Variants in LRRC69 observed in about 807,000 individuals in gnomAD.
LRRC69 encodes the protein leucine rich repeat containing 69.
Under a neutral mutation model 37.8 loss-of-function variants are expected in LRRC69, and 42 were observed. That is an observed-to-expected ratio of 1.11 (90% CI 0.87 to 1.44). LRRC69 has a LOEUF of 1.44. Among genes scored for constraint, LRRC69 ranks in the 40% most tolerant of loss-of-function variants. The pLI is 0.00. For missense variants in LRRC69, 357 were observed against 401.9 expected (o/e 0.89, Z 0.96); for synonymous variants, 141 against 143.1 (o/e 0.99, Z 0.11).
rs191876009 is a variant in LRRC69, at chr8:91,131,387, A to G, written c.384-1723A>G. ...CAGCACCCAGCCCAAGTCAAGTCTT[A>G]TACAAAAAAAGCTGTCAAAATTTGT... On this transcript the variant is annotated intron_variant, in intron 3 of 7. Transcript: ENST00000448384. Among the ~76,000 whole-genome samples the G allele has an allele frequency of 8.4e-4, 128 of 152,032 alleles. 2 individuals carry two copies. Among genetic ancestry groups the G allele is most frequent in the Admixed American group, 5.7e-3 (87 of 15,256 alleles).
intron 5 of LRRC69, among the ~76,000 whole-genome samples, chr8:91,168,244 G>A (rs1809063067): frequency 6.6e-6 from 1 of 151,802 alleles, no homozygotes; most frequent in South Asian, 2.1e-4. Flanking sequence ...ATAAATGAAG[G>A]CTCTGGTACT....
At chr8:91,169,459 G>A (rs964806890) in intron 5 of LRRC69, among the ~76,000 whole-genome samples, 12 of 151,690 alleles carry the variant, frequency 7.9e-5, no homozygotes, top group Non-Finnish European at 1.2e-4. Context: ...CAATATAGAA[G>A]CAAATTACTG....
intron 7 of LRRC69, among the ~76,000 whole-genome samples, chr8:91,216,723 T>C (rs1251817777): frequency 6.6e-6 from 1 of 152,146 alleles, no homozygotes; most frequent in Admixed American, 6.6e-5. Context: ...ATAATCTAGT[T>C]AGGGAATCAA....
At chr8:91,197,255 C>T (rs1490505141) in intron 6 of LRRC69, among the ~76,000 whole-genome samples, 1 of 152,176 alleles carries the variant, frequency 6.6e-6, no homozygotes, top group African/African-American at 2.4e-5. Flanking sequence ...AGCTGTCAGA[C>T]AGGGACATTT....
chr8:91,144,486 T>C (rs1378730817), intron 5 of LRRC69, among the ~76,000 whole-genome samples: 1 of 152,042 alleles, frequency 6.6e-6, no homozygotes, highest in Non-Finnish European at 1.5e-5. Context: ...ATTTCTGTCT[T>C]ACCCTTTCCC....
At chr8:91,141,762 A>G (rs1228226609) in intron 5 of LRRC69, among the ~76,000 whole-genome samples, 1 of 152,070 alleles carries the variant, frequency 6.6e-6, no homozygotes, top group Admixed American at 6.6e-5. Flanking sequence ...AATCAAAGAA[A>G]CTGGCATGAA....
chr8:91,173,526 G>C (rs1272181291), intron 5 of LRRC69, among the ~76,000 whole-genome samples: 1 of 152,162 alleles, frequency 6.6e-6, no homozygotes, highest in East Asian at 1.9e-4. Context: ...TCTTAAAACT[G>C]AAAGTACTTG....
rs57160758 is a variant in LRRC69 at position 91,155,867 on chromosome 8, G to GTATA, written c.651+20139_651+20142dup. Among the ~76,000 whole-genome samples the GTATA allele has an allele frequency of 1.8e-3, 260 of 146,570 alleles. 3 individuals are homozygous for GTATA. Among genetic ancestry groups the GTATA allele is most frequent in the African/African-American group, 5.6e-3 (224 of 40,094 alleles). Reference sequence around the variant, plus strand: ...TCTTTTTGTGAATATGTATGTGTGTGTATATATATATATACACAACATATA... The same window carrying GTATA: ...TCTTTTTGTGAATATGTATGTGTGTGTATATATATATATATATACACAACATATA... On this transcript the variant is annotated intron_variant, in intron 5 of 7. Transcript: ENST00000448384.
At chr8:91,188,502 C>T (rs1396178692) in intron 5 of LRRC69, among the ~76,000 whole-genome samples, 1 of 152,160 alleles carries the variant, frequency 6.6e-6, no homozygotes, top group East Asian at 1.9e-4. Context: ...AATCAACACT[C>T]ACTGCAAATT....
intron 1 of LRRC69, among the ~76,000 whole-genome samples, chr8:91,111,542 T>G (rs1472256314): frequency 6.6e-6 from 1 of 151,658 alleles, no homozygotes; most frequent in Non-Finnish European, 1.5e-5. Context: ...TCAAAAAAAA[T>G]AAATAGAAAA....
At chr8:91,148,546 T>C (rs1808666594) in intron 5 of LRRC69, among the ~76,000 whole-genome samples, 2 of 152,000 alleles carry the variant, frequency 1.3e-5, no homozygotes, top group Admixed American at 1.3e-4. Flanking sequence ...TAAACATACA[T>C]GTGCATGTGT....
chr8:91,154,125 T>C (rs1808790971), intron 5 of LRRC69, among the ~76,000 whole-genome samples: 1 of 151,616 alleles, frequency 6.6e-6, no homozygotes, highest in Non-Finnish European at 1.5e-5. Context: ...AAGAAATGGA[T>C]CAATTCCTGG....
intron 5 of LRRC69, among the ~76,000 whole-genome samples, chr8:91,178,275 T>A (rs1243536423): frequency 6.6e-6 from 1 of 152,224 alleles, no homozygotes; most frequent in Non-Finnish European, 1.5e-5. Context: ...AGAGGCCTAT[T>A]TCATTTCTGT....
chr8:91,185,318 T>C (rs544280068), intron 5 of LRRC69, among the ~76,000 whole-genome samples: 5 of 151,848 alleles, frequency 3.3e-5, no homozygotes, highest in African/African-American at 1.2e-4. Flanking sequence ...ATGAGGAAGG[T>C]CTCAGTGTCT....
chr8:91,140,475 T>C (rs1808512370), intron 5 of LRRC69, among the ~76,000 whole-genome samples: 1 of 151,718 alleles, frequency 6.6e-6, no homozygotes, highest in African/African-American at 2.4e-5. Context: ...TAAGTTTACC[T>C]TCCAGAGACT....
At chr8:91,103,937 C>A (rs1419757171) in intron 1 of LRRC69, among the ~76,000 whole-genome samples, 1 of 151,690 alleles carries the variant, frequency 6.6e-6, no homozygotes, top group Non-Finnish European at 1.5e-5. Flanking sequence ...CATTGGTTAC[C>A]GAGAATTAAA....
At chr8:91,108,043 C>T (rs1813349794) in intron 1 of LRRC69, among the ~76,000 whole-genome samples, 1 of 152,018 alleles carries the variant, frequency 6.6e-6, no homozygotes, top group African/African-American at 2.4e-5. Flanking sequence ...TAATTGTGTG[C>T]AGCATTGTTG....
chr8:91,122,799 T>C (rs185730363), intron 1 of LRRC69, among the ~76,000 whole-genome samples: 1 of 152,124 alleles, frequency 6.6e-6, no homozygotes, highest in East Asian at 1.9e-4. Flanking sequence ...CTGCAAATAG[T>C]CACTTTGATA....
rs1390592759 is a variant in LRRC69, at chr8:91,201,971, C to T, written c.933+1179C>T. Among the ~76,000 whole-genome samples, 10 of 151,950 alleles carry T rather than the reference C, an allele frequency of 6.6e-5. No individual in the cohort carries two copies. The South Asian group carries it at 1.0e-3, about 16-fold the overall frequency. On this transcript the variant is annotated intron_variant, in intron 7 of 7. Coordinates refer to ENST00000448384, the Ensembl canonical transcript of LRRC69. ...CTGTAATCCCAGCACTTTGTGAAGT[C>T]GAGGTGGGTGGATCACCTGAGGTCA... is the stretch of plus-strand genomic sequence containing the variant.
Sources: allele counts gnomAD v4.1 joint callset (sites outside exome capture counted in the v4.1 genomes callset), GRCh38; gene constraint gnomAD v4.1.1; transcripts MANE v1.5; gene names NCBI Gene and HGNC (gene_info 2026-07-23, HGNC 2026-07-21).